Variants in BMPR2 observed in about 807,000 individuals in gnomAD.
BMPR2 encodes the protein bone morphogenetic protein receptor type-2.
BMPR2 carries 29 observed loss-of-function variants against 100.8 expected under a neutral mutation model. The observed-to-expected ratio is 0.29, with a 90% confidence interval of 0.21 to 0.39. The LOEUF is 0.39. BMPR2 is among the 10% of genes least tolerant of loss of function. BMPR2 has a pLI of 1.00. For synonymous variants in BMPR2, 382 were observed against 442.3 expected (o/e 0.86, Z 1.71); for missense variants, 1,011 against 1,274.5 (o/e 0.79, Z 3.15).
intron 3 of BMPR2, among the ~76,000 whole-genome samples, chr2:202,471,568 C>G (rs190922946): frequency 6.6e-6 from 1 of 152,052 alleles, no homozygotes; most frequent in African/African-American, 2.4e-5. Flanking sequence ...TGAATTTAAT[C>G]ATGAGGTAAT....
intron 5 of BMPR2, 98 bp from the exon 6 acceptor site, chr2:202,518,724 G>C (rs372645663): frequency 1.0e-6 from 1 of 952,528 alleles, no homozygotes. Flanking sequence ...AAGCAACAGA[G>C]AGCTGTAGCA....
chr2:202,475,304 A>T (rs1692524164), intron 3 of BMPR2, among the ~76,000 whole-genome samples: 1 of 152,058 alleles, frequency 6.6e-6, no homozygotes, highest in South Asian at 2.1e-4. Context: ...AAAGTGTTGG[A>T]ATTACAGGCG....
intron 1 of BMPR2, among the ~76,000 whole-genome samples, chr2:202,426,493 T>C (rs1409997225): frequency 7.3e-6 from 1 of 137,730 alleles, no homozygotes. Flanking sequence ...CGCTTGAACC[T>C]GGGAGGTGGA....
At chr2:202,430,891 G>A (rs934646370) in intron 1 of BMPR2, among the ~76,000 whole-genome samples, 1 of 149,708 alleles carries the variant, frequency 6.7e-6, no homozygotes. Flanking sequence ...CCCGGGAGGC[G>A]GAGGTTGCAG....
intron 3 of BMPR2, among the ~76,000 whole-genome samples, chr2:202,504,538 G>T (rs1226129809): frequency 6.6e-6 from 1 of 152,138 alleles, no homozygotes. Context: ...ACCACCTGAA[G>T]AGCTGTAACA....
At chr2:202,525,693 T>G (rs1319538451) in intron 7 of BMPR2, among the ~76,000 whole-genome samples, 2 of 152,072 alleles carry the variant, frequency 1.3e-5, no homozygotes, top group African/African-American at 4.8e-5. Context: ...CCTGCTTGTA[T>G]TGCTGCCTCA....
chr2:202,404,280 C>T (rs1198598419), intron 1 of BMPR2, among the ~76,000 whole-genome samples: 1 of 151,434 alleles, frequency 6.6e-6, no homozygotes, highest in Non-Finnish European at 1.5e-5. Context: ...CAACCTCCAC[C>T]TCCCTGGTTC....
At chr2:202,537,597 A>G (rs1428482959) in intron 9 of BMPR2, among the ~76,000 whole-genome samples, 1 of 152,110 alleles carries the variant, frequency 6.6e-6, no homozygotes, top group Non-Finnish European at 1.5e-5. Context: ...GGTTAGTAGT[A>G]ATGGTTGTAC....
rs901680808 is a variant in BMPR2, at chr2:202,565,590, G to T, written c.*5644G>T. On this transcript the variant is annotated 3_prime_UTR_variant, in exon 13 of 13. Coordinates refer to ENST00000374580, the MANE Select transcript of BMPR2 (RefSeq NM_001204.7). ...TGCACACAGAATTGTATATCATTTT[G>T]CCATTAAAATTTTTTAACATATTGC... 6.6e-6 allele frequency: 1 copy of T among 152,432 alleles called. No homozygotes were observed. Among genetic ancestry groups the T allele is most frequent in the Non-Finnish European group, 1.5e-5 (1 of 67,976 alleles). The allele number at this position is 152,432 out of a possible 1,614,324, so 9.4% of individuals were successfully genotyped here.
rs1054962609 is a variant in BMPR2, at chr2:202,566,425, C to T, written c.*6479C>T. On this transcript the variant is annotated 3_prime_UTR_variant, in exon 13 of 13. Coordinates refer to ENST00000374580, the MANE Select transcript of BMPR2 (RefSeq NM_001204.7). ...TTCACATAGATATAATATCAGATTTCATTAATTATAAAAAGTTGCCCAGTT... is the reference window on the plus strand; with the variant it reads ...TTCACATAGATATAATATCAGATTTTATTAATTATAAAAAGTTGCCCAGTT... 6.6e-6 allele frequency: 1 copy of T among 152,528 alleles called. No homozygotes were observed. Among genetic ancestry groups the T allele is most frequent in the Non-Finnish European group, 1.5e-5 (1 of 67,994 alleles). The allele number at this position is 152,528 out of a possible 1,614,324, so 9.4% of individuals were successfully genotyped here. A position where few individuals can be genotyped will look rare whatever the true frequency, so the allele number is the denominator to read the frequency against.
chr2:202,402,868 G>A (rs1300420478), intron 1 of BMPR2, among the ~76,000 whole-genome samples: 1 of 149,844 alleles, frequency 6.7e-6, no homozygotes, highest in Non-Finnish European at 1.5e-5. Flanking sequence ...CGCTTTTGTC[G>A]TCTAGGCTGG....
chr2:202,483,517 GCC>G lies in BMPR2; in HGVS notation c.418+15829_418+15830del, dbSNP rs566038877. Among the ~76,000 whole-genome samples, 7 of 151,590 alleles carry G rather than the reference GCC, an allele frequency of 4.6e-5. No individual in the cohort carries two copies. In the South Asian group the frequency reaches 1.3e-3, roughly 27 times the overall value. On this transcript the variant is annotated intron_variant, in intron 3 of 12. Coordinates refer to ENST00000374580, the MANE Select transcript of BMPR2 (RefSeq NM_001204.7). ...AGGTTCAAGCCATTCTCCTGCCTCA[GCC>G]TCCCAAGTAGCTGGGATTACAGGTG...
intron 1 of BMPR2, among the ~76,000 whole-genome samples, chr2:202,419,546 G>A (rs1332398591): frequency 4.6e-5 from 7 of 151,940 alleles, no homozygotes; most frequent in African/African-American, 1.7e-4. Flanking sequence ...TAGTAGAGAT[G>A]GGGTTTCAGC....
intron 3 of BMPR2, among the ~76,000 whole-genome samples, chr2:202,482,793 C>T (rs528846889): frequency 6.6e-6 from 1 of 152,134 alleles, no homozygotes; most frequent in Non-Finnish European, 1.5e-5. Context: ...CCTGCCTCGG[C>T]CTCTCAAAGT....
At chr2:202,478,452 C>T (rs1692592048) in intron 3 of BMPR2, among the ~76,000 whole-genome samples, 1 of 152,158 alleles carries the variant, frequency 6.6e-6, no homozygotes, top group Non-Finnish European at 1.5e-5. Context: ...TGACTTGAGG[C>T]TCTTTTTAAG....
chr2:202,481,040 A>G (rs1284320788), intron 3 of BMPR2, among the ~76,000 whole-genome samples: 3 of 151,806 alleles, frequency 2.0e-5, no homozygotes, highest in Admixed American at 6.6e-5. Flanking sequence ...CCATTCATCA[A>G]TATGTCAAGG....
At chr2:202,464,754 A>G (rs1574462462) in intron 1 of BMPR2, 55 bp from the exon 2 acceptor site, 2 of 1,481,964 alleles carry the variant, frequency 1.3e-6, no homozygotes, top group East Asian at 2.4e-5. Flanking sequence ...AAGATTTTAT[A>G]TAATATTTTG....
At chr2:202,454,347 T>C (rs1197602348) in intron 1 of BMPR2, among the ~76,000 whole-genome samples, 1 of 152,154 alleles carries the variant, frequency 6.6e-6, no homozygotes. Flanking sequence ...CTGAGATTAC[T>C]GGGGTGAGCC....
rs73052719 is a variant in BMPR2, at chr2:202,450,297, C to T, written c.77-14512C>T. ...ATCTTTCTCTGACATCATGAGAATGCTCAGCAAAATGATAATTTAATCTGT... is the reference window on the plus strand; with the variant it reads ...ATCTTTCTCTGACATCATGAGAATGTTCAGCAAAATGATAATTTAATCTGT... On this transcript the variant is annotated intron_variant, in intron 1 of 12. Transcript: ENST00000374580. 6.2e-3 allele frequency among the ~76,000 whole-genome samples: 946 copies of T among 152,230 alleles called. 15 individuals carry two copies. The highest frequency in any genetic ancestry group is 0.021 in the African/African-American group (881 of 41,544).
Sources: gnomAD v4.1 joint callset for allele counts (sites outside exome capture counted in the v4.1 genomes callset) on GRCh38, gnomAD v4.1.1 for gene constraint, MANE v1.5 for transcripts, NCBI Gene and HGNC (gene_info 2026-07-23, HGNC 2026-07-21) for gene names.